The following RIT2 variants were observed in gnomAD, a reference collection of about 807,000 sequenced individuals.
RIT2 encodes Ras like without CAAX 2, also known as GTP-binding protein Rit2.
In RIT2, 24 loss-of-function variants were observed where a neutral mutation model predicts 23.7. The ratio of observed to expected loss-of-function variants is 1.01; its 90% CI spans 0.73 to 1.43. The LOEUF is 1.43. Among genes scored for constraint, RIT2 ranks in the 40% most tolerant of loss-of-function variants. The pLI is 0.00. For synonymous variants in RIT2, 107 were observed against 91.1 expected (o/e 1.17, Z -0.99); for missense variants, 236 against 266.9 (o/e 0.88, Z 0.81).
chr18:42,767,558 G>T (rs933938615), intron 4 of RIT2, among the ~76,000 whole-genome samples: 1 of 152,080 alleles, frequency 6.6e-6, no homozygotes, highest in African/African-American at 2.4e-5. Flanking sequence ...ATGAGACTTC[G>T]GATAGTGGAC....
At chr18:42,770,638 G>A (rs1411266852) in intron 4 of RIT2, among the ~76,000 whole-genome samples, 1 of 152,168 alleles carries the variant, frequency 6.6e-6, no homozygotes, top group South Asian at 2.1e-4. Context: ...TATTTTCTTG[G>A]TAAGGGATAG....
intron 1 of RIT2, among the ~76,000 whole-genome samples, chr18:43,047,373 T>C (rs780408991): frequency 2.0e-5 from 3 of 152,096 alleles, no homozygotes; most frequent in Non-Finnish European, 2.9e-5. Context: ...TATCAAATTA[T>C]AGAATTAAAA....
chr18:43,083,656 G>T (rs1285987722), intron 1 of RIT2, among the ~76,000 whole-genome samples: 4 of 152,116 alleles, frequency 2.6e-5, no homozygotes, highest in Non-Finnish European at 5.9e-5. Flanking sequence ...TTTAATAAAT[G>T]GTGTTGGGAA....
At chr18:43,029,862 T>A (rs1911815276) in intron 2 of RIT2, among the ~76,000 whole-genome samples, 1 of 151,996 alleles carries the variant, frequency 6.6e-6, no homozygotes, top group African/African-American at 2.4e-5. Flanking sequence ...TCATTTTAGG[T>A]CAAGAAATAG....
intron 1 of RIT2, among the ~76,000 whole-genome samples, chr18:43,067,034 A>G (rs1306739778): frequency 6.6e-6 from 1 of 151,922 alleles, no homozygotes; most frequent in Non-Finnish European, 1.5e-5. Flanking sequence ...GCATTTCAGT[A>G]AGATAACTAT....
chr18:42,908,024 T>A (rs1412767831), intron 4 of RIT2, among the ~76,000 whole-genome samples: 1 of 151,348 alleles, frequency 6.6e-6, no homozygotes, highest in Non-Finnish European at 1.5e-5. Context: ...TATAATTTAC[T>A]GTAAAACAAA....
intron 1 of RIT2, among the ~76,000 whole-genome samples, chr18:43,085,687 A>G (rs1056161086): frequency 1.1e-4 from 16 of 152,084 alleles, no homozygotes; most frequent in Non-Finnish European, 1.6e-4. Context: ...TATTTTCTTA[A>G]GGTTGTAGAG....
intron 3 of RIT2, among the ~76,000 whole-genome samples, chr18:42,948,740 T>C (rs1039007035): frequency 2.0e-5 from 3 of 152,054 alleles, no homozygotes; most frequent in African/African-American, 7.2e-5. Flanking sequence ...AGAAAGAAAC[T>C]TCAGTTGGGG....
chr18:43,034,018 A>G (rs1165397141), intron 1 of RIT2, 151 bp from the exon 2 acceptor site: 5 of 574,512 alleles, frequency 8.7e-6, no homozygotes, highest in African/African-American at 3.7e-5. Context: ...AATGAAAACA[A>G]TAAGACGAAG....
chr18:43,080,643 T>C, intron 1 of RIT2, among the ~76,000 whole-genome samples: 1 of 152,206 alleles, frequency 6.6e-6, no homozygotes, highest in East Asian at 1.9e-4. Context: ...TTAAATAATT[T>C]TTTATTTTCC....
At chr18:42,868,838 G>A (rs1907540843) in intron 4 of RIT2, among the ~76,000 whole-genome samples, 1 of 152,096 alleles carries the variant, frequency 6.6e-6, no homozygotes, top group South Asian at 2.1e-4. Flanking sequence ...ACAGAATCAG[G>A]AACCTCAATG....
In RIT2 at chr18:42,967,536, A is replaced by ATTT. The variant is rs397940927; in HGVS notation, c.234+6535_234+6537dup. 4.9e-3 allele frequency among the ~76,000 whole-genome samples: 399 copies of ATTT among 80,754 alleles called. 24 individuals carry two copies. The highest frequency in any genetic ancestry group is 0.019 in the East Asian group (26 of 1,384). The allele number at this position is 80,754 out of a possible 152,430, so 53.0% of individuals were successfully genotyped here. ...AGACGCCCGCCACCACGCCCGGCTA[A>ATTT]TTTTTTTTTTTTTTTTTTTTTTTTT... On this transcript the variant is annotated intron_variant, in intron 3 of 4. Coordinates refer to ENST00000326695, the MANE Select transcript of RIT2 (RefSeq NM_002930.4).
intron 2 of RIT2, among the ~76,000 whole-genome samples, chr18:42,981,714 C>T (rs117080072): frequency 0.066 from 10,048 of 151,848 alleles, 430 homozygotes; most frequent in Non-Finnish European, 0.1. Context: ...TAAGGGAATT[C>T]CTTTGAGAAA....
chr18:43,109,926 T>G (rs1453487299), intron 1 of RIT2, among the ~76,000 whole-genome samples: 1 of 152,164 alleles, frequency 6.6e-6, no homozygotes, highest in Admixed American at 6.5e-5. Context: ...CTTTTTCTGC[T>G]TTTCCCATAC....
chr18:43,113,541 C>T (rs1914000259), intron 1 of RIT2, among the ~76,000 whole-genome samples: 1 of 152,160 alleles, frequency 6.6e-6, no homozygotes, highest in South Asian at 2.1e-4. Flanking sequence ...AATCCATAGT[C>T]ATTGGAACAG....
intron 3 of RIT2, among the ~76,000 whole-genome samples, chr18:42,935,311 T>A (rs1598721377): frequency 1.3e-5 from 2 of 152,152 alleles, no homozygotes; most frequent in Admixed American, 6.5e-5. Context: ...TGCGGCAGGG[T>A]TGAATGAACG....
intron 4 of RIT2, among the ~76,000 whole-genome samples, chr18:42,865,845 C>T (rs1267881956): frequency 6.6e-6 from 1 of 152,144 alleles, no homozygotes; most frequent in Non-Finnish European, 1.5e-5. Context: ...AATCTACATT[C>T]TGGAAAAACC....
intron 4 of RIT2, among the ~76,000 whole-genome samples, chr18:42,760,856 T>C (rs1010168513): frequency 6.6e-6 from 1 of 152,162 alleles, no homozygotes; most frequent in Non-Finnish European, 1.5e-5. Context: ...CTAATATGAG[T>C]GAGAAGTTTG....
In RIT2 at chr18:42,743,661, G is replaced by T. The variant is rs1170217010; in HGVS notation, c.486C>A (p.Thr162=). 6.2e-7 allele frequency: 1 copy of T among 1,613,706 alleles called. No homozygotes were observed. Among genetic ancestry groups the T allele is most frequent in the African/African-American group, 1.3e-5 (1 of 74,832 alleles). The change falls in exon 5 of 5, where the codon ACC becomes ACA. Residue 162 remains threonine (T), a synonymous_variant. Transcript: ENST00000326695. The part of the protein sequence containing the change: ...AQEYNCGFFE[T]SAALRFCIDD... ...CAATACAGAATCTGAGGGCTGCAGAGGTCTCAAAAAAACCACAATTATATT... is the reference window on the plus strand; with the variant it reads ...CAATACAGAATCTGAGGGCTGCAGATGTCTCAAAAAAACCACAATTATATT...
Sources: allele counts gnomAD v4.1 joint callset (sites outside exome capture counted in the v4.1 genomes callset), GRCh38; gene constraint gnomAD v4.1.1; transcripts MANE v1.5; gene names NCBI Gene and HGNC (gene_info 2026-07-23, HGNC 2026-07-21).